Variants in ARSG observed in about 807,000 individuals in gnomAD.
ARSG encodes ASG.
Under a neutral mutation model 50.5 loss-of-function variants are expected in ARSG, and 37 were observed. The observed-to-expected ratio is 0.73, with a 90% CI of 0.56 to 0.96. The LOEUF (loss-of-function observed/expected upper bound fraction) is 0.96. Ranked by LOEUF, ARSG falls within the 50% of genes least tolerant of loss-of-function variation. The pLI is 0.00. For synonymous variants in ARSG, 225 were observed against 254.6 expected, an observed-to-expected ratio of 0.88 and a Z score of 1.11; for missense variants, 629 against 675.3, an observed-to-expected ratio of 0.93 and a Z score of 0.76.
intron 1 of ARSG, among the ~76,000 whole-genome samples, chr17:68,269,675 T>TTTTTTTTTTC (rs2075270318): frequency 7.1e-6 from 1 of 140,732 alleles, no homozygotes. Context: ...CACTTTAGGT[T>TTTTTTTTTTC]TTTTTTTTTT....
chr17:68,328,188 T>C (rs2077581669), intron 2 of ARSG, among the ~76,000 whole-genome samples: 1 of 152,136 alleles, frequency 6.6e-6, no homozygotes, highest in Non-Finnish European at 1.5e-5. Flanking sequence ...GCTCACTTAT[T>C]GCCCCTCCAC....
At chr17:68,356,853 C>G in intron 6 of ARSG, 49 bp downstream of exon 6, 4 of 1,611,360 alleles carry the variant, frequency 2.5e-6, no homozygotes, top group Non-Finnish European at 3.4e-6. Flanking sequence ...CTCCACCTAC[C>G]CGTGCACACA....
chr17:68,351,701 C>G lies in ARSG; in HGVS notation c.566+15C>G. ...GGACCATCAAGGTAATGCTGTCTGA[C>G]ACATTTGCGATAGGCTCCAGGACAA... On this transcript the variant is annotated intron_variant, in intron 5 of 11. Coordinates refer to ENST00000621439, the MANE Select transcript of ARSG (RefSeq NM_001267727.2). 6.4e-7 allele frequency: 1 copy of G among 1,552,606 alleles called. No homozygotes were observed. The highest frequency in any genetic ancestry group is 8.9e-7 in the Non-Finnish European group (1 of 1,124,048).
At chr17:68,344,273 C>T (rs1199798653) in intron 3 of ARSG, among the ~76,000 whole-genome samples, 3 of 152,208 alleles carry the variant, frequency 2.0e-5, no homozygotes, top group African/African-American at 7.2e-5. Flanking sequence ...TTTGGCCACG[C>T]CTCACTGCTG....
intron 2 of ARSG, among the ~76,000 whole-genome samples, chr17:68,325,043 CA>C (rs2145911971): frequency 6.6e-6 from 1 of 152,264 alleles, no homozygotes; most frequent in South Asian, 2.1e-4. Flanking sequence ...TCACCTACAG[CA>C]GGGGTTCTCA....
rs547495907 is a variant in ARSG at position 68,389,371 on chromosome 17, G to C, written c.1091+4199G>C. Among the ~76,000 whole-genome samples the C allele has an allele frequency of 1.8e-3, 279 of 152,278 alleles. 1 individual carries two copies. The highest frequency in any genetic ancestry group is 3.0e-3 in the Non-Finnish European group (201 of 68,020). On this transcript the variant is annotated intron_variant, in intron 9 of 11. Coordinates refer to ENST00000621439, the MANE Select transcript of ARSG (RefSeq NM_001267727.2). Reference sequence around the variant, plus strand: ...GCTGGGGCTATGCTGGCTTCTAAGAGGGACTCGTGTGTGGATGAGGGTGCC... The same window carrying C: ...GCTGGGGCTATGCTGGCTTCTAAGACGGACTCGTGTGTGGATGAGGGTGCC...
downstream of ARSG, chr17:68,426,213 GATCTGCTTTTATGCCATGACCT>G: frequency 7.7e-7 from 1 of 1,293,484 alleles, no homozygotes; most frequent in Non-Finnish European, 1.1e-6. Context: ...AAGCACTGGG[GATCTGCTTTTATGCCATGACCT>G]GGCGGGTGGG....
At chr17:68,331,985 C>T (rs1041493095) in intron 2 of ARSG, among the ~76,000 whole-genome samples, 21 of 152,122 alleles carry the variant, frequency 1.4e-4, no homozygotes, top group East Asian at 1.9e-4. Flanking sequence ...ATGAAGTTTC[C>T]GACATGCATT....
At chr17:68,324,070 CAAAAAAAAAAA>C (rs57040262) in intron 2 of ARSG, among the ~76,000 whole-genome samples, 1 of 89,842 alleles carries the variant, frequency 1.1e-5, no homozygotes, top group African/African-American at 4.3e-5. Context: ...AAAACTCCAT[CAAAAAAAAAAA>C]AAAAAAAAAA....
chr17:68,352,163 C>CAGAGAGAG (rs755040817), intron 5 of ARSG, among the ~76,000 whole-genome samples: 22 of 44,546 alleles, frequency 4.9e-4, no homozygotes, highest in African/African-American at 1.2e-3. Flanking sequence ...GAGAGAGAGA[C>CAGAGAGAG]AGAGAGAGAG....
intron 1 of ARSG, among the ~76,000 whole-genome samples, chr17:68,276,037 G>T (rs2075506795): frequency 6.6e-6 from 1 of 151,852 alleles, no homozygotes; most frequent in Admixed American, 6.6e-5. Flanking sequence ...AACCAGGAAT[G>T]ACTTCATGAA....
chr17:68,401,273 T>C, intron 10 of ARSG, 87 bp from the exon 11 acceptor site: 1 of 1,199,454 alleles, frequency 8.3e-7, no homozygotes, highest in East Asian at 2.4e-5. Context: ...TCCTCCTGCC[T>C]CGACCTCCCA....
intron 2 of ARSG, among the ~76,000 whole-genome samples, chr17:68,338,307 T>C (rs538202518): frequency 2.4e-4 from 36 of 152,312 alleles, no homozygotes; most frequent in African/African-American, 8.4e-4. Flanking sequence ...AAATTCATTT[T>C]TCTGTCCTCC....
At chr17:68,433,774 T>TGTTTGTTTTTTTTTG in the ARSG span, among the ~76,000 whole-genome samples, 1 of 35,226 alleles carries the variant, frequency 2.8e-5, no homozygotes, top group African/African-American at 8.6e-5. Flanking sequence ...TTTTTTTTTT[T>TGTTTGTTTTTTTTTG]TTTTTTTTTT....
intron 1 of ARSG, among the ~76,000 whole-genome samples, chr17:68,273,365 G>A (rs1434671074): frequency 2.6e-5 from 4 of 151,992 alleles, no homozygotes; most frequent in Admixed American, 2.6e-4. Flanking sequence ...TGGGACCACA[G>A]GCACGCACCA....
At chr17:68,329,815 A>G (rs1434590508) in intron 2 of ARSG, among the ~76,000 whole-genome samples, 2 of 152,338 alleles carry the variant, frequency 1.3e-5, no homozygotes, top group East Asian at 1.9e-4. Flanking sequence ...GATAAGCTAA[A>G]AAAAATCACA....
At chr17:68,262,011 G>A (rs1276703081) in intron 1 of ARSG, among the ~76,000 whole-genome samples, 1 of 152,012 alleles carries the variant, frequency 6.6e-6, no homozygotes, top group Non-Finnish European at 1.5e-5. Flanking sequence ...AAAAAAATGA[G>A]CTGGGTGTGG....
In ARSG at chr17:68,378,033, TC is replaced by T. The variant is rs1366742758; in HGVS notation, c.983-7029del. On this transcript the variant is annotated intron_variant, in intron 8 of 11. Transcript: ENST00000621439. The surrounding 1 kb of genome is among the most constrained non-coding windows in gnomAD (Gnocchi z 4.4). ...AAGCGGCTTCCTGTCAACTAACTATTCCACAGCCTCCTTCTTCCTCTCTGCC... is the reference window on the plus strand; with the variant it reads ...AAGCGGCTTCCTGTCAACTAACTATTCACAGCCTCCTTCTTCCTCTCTGCC... 1.3e-5 allele frequency among the ~76,000 whole-genome samples: 2 copies of T among 152,186 alleles called. No homozygotes were observed. Among genetic ancestry groups the T allele is most frequent in the Non-Finnish European group, 2.9e-5 (2 of 68,024 alleles).
intron 8 of ARSG, among the ~76,000 whole-genome samples, chr17:68,374,605 A>G (rs1371761240): frequency 1.3e-5 from 2 of 152,108 alleles, no homozygotes; most frequent in Non-Finnish European, 2.9e-5. Context: ...TAGTCCTAGC[A>G]CTTTGGGAGG....
Sources: allele counts gnomAD v4.1 joint callset (sites outside exome capture counted in the v4.1 genomes callset), GRCh38; gene constraint gnomAD v4.1.1; non-coding constraint Gnocchi (gnomAD v3.1); transcripts MANE v1.5; gene names NCBI Gene and HGNC (gene_info 2026-07-23, HGNC 2026-07-21).